The following PPFIA4 variants were observed in gnomAD, a reference collection of about 807,000 sequenced individuals.
PPFIA4 encodes the protein PPFI scaffold protein A4, also known as liprin-alpha-4.
PPFIA4 carries 98 observed loss-of-function variants against 145.7 expected under a neutral mutation model. That is an observed-to-expected ratio of 0.67 (90% CI 0.57 to 0.80). PPFIA4 has a LOEUF of 0.80. Ranked by LOEUF, PPFIA4 falls within the 30% of genes least tolerant of loss-of-function variation. PPFIA4 has a pLI of 0.00. For missense variants in PPFIA4, 1,457 were observed against 1,632.7 expected, an observed-to-expected ratio of 0.89 and a Z score of 1.85; for synonymous variants, 628 against 649.6, an observed-to-expected ratio of 0.97 and a Z score of 0.51.
chr1:203,051,337 C>G, intron 13 of PPFIA4: 1 of 989,568 alleles, frequency 1.0e-6, no homozygotes, highest in Non-Finnish European at 1.2e-6. Flanking sequence ...AACAAAGACC[C>G]TCAGAGTGAA....
intron 1 of PPFIA4, among the ~76,000 whole-genome samples, chr1:203,038,126 G>A (rs1659434136): frequency 6.6e-6 from 1 of 152,192 alleles, no homozygotes; most frequent in Admixed American, 6.5e-5. Flanking sequence ...GACCCCAAGA[G>A]TCCAGCCTTT....
At position 203,068,869 on chromosome 1, in the gene PPFIA4, G is replaced by A. The variant is rs1052554883; in HGVS notation, c.3324+241G>A. ...ACCTAGCGTGGGCCTGGCACACAGT[G>A]TGCTCTTACAATGCGCATCCCCGTC... On this transcript the variant is annotated intron_variant, in intron 27 of 29. Transcript: ENST00000295706. This position sits in a 1 kb window ranked among gnomAD's most constrained non-coding sequence, Gnocchi z 4.7. Among the ~76,000 whole-genome samples the A allele has an allele frequency of 2.0e-5, 3 of 152,148 alleles. No homozygotes were observed. The highest frequency in any genetic ancestry group is 7.2e-5 in the African/African-American group (3 of 41,412).
chr1:203,053,609 A>G (rs1660691269), intron 14 of PPFIA4, 144 bp from the exon 15 acceptor site: 2 of 667,140 alleles, frequency 3.0e-6, no homozygotes, highest in South Asian at 1.9e-5. Context: ...TTGAATCAGT[A>G]GGTCTGGTGG....
intron 19 of PPFIA4, among the ~76,000 whole-genome samples, chr1:203,057,329 G>A (rs1415094537): frequency 6.6e-6 from 1 of 152,214 alleles, no homozygotes; most frequent in Non-Finnish European, 1.5e-5. Context: ...AGAAGAGTCA[G>A]TTCTTGATTG....
At chr1:203,056,546 A>T in intron 18 of PPFIA4, 38 bp downstream of exon 18, 1 of 1,603,072 alleles carries the variant, frequency 6.2e-7, no homozygotes. Flanking sequence ...CTCTCCATCC[A>T]CAGGGTCCTC....
chr1:203,058,941 C>G (rs1262097568), intron 19 of PPFIA4, among the ~76,000 whole-genome samples: 2 of 152,160 alleles, frequency 1.3e-5, no homozygotes, highest in African/African-American at 4.8e-5. Context: ...GGAAAACACC[C>G]CCAAGGCTGA....
rs1362440990 is a variant in PPFIA4 at position 203,049,736 on chromosome 1, G to T, written c.1480G>T (p.Gly494Trp). The change falls in exon 13 of 30, where the codon GGG becomes TGG. Residue 494 changes from glycine (G) to tryptophan (W), a missense_variant. Coordinates refer to ENST00000295706, the MANE Select transcript of PPFIA4 (RefSeq NM_001304331.2). ...RQEVDQLKGR[G>W]GPFVDGVHSR... ...AGAGGTGGACCAGCTGAAGGGCCGA[G>T]GGGGGCCGTTTGTGGATGGCGTCCA... 1 of 1,589,096 alleles carries T rather than the reference G, an allele frequency of 6.3e-7. No homozygotes were observed. The highest frequency in any genetic ancestry group is 8.6e-7 in the Non-Finnish European group (1 of 1,166,992).
intron 27 of PPFIA4, among the ~76,000 whole-genome samples, chr1:203,069,583 G>C (rs1282515879): frequency 6.6e-6 from 1 of 152,206 alleles, no homozygotes; most frequent in Non-Finnish European, 1.5e-5. Context: ...GCAGCTGTCA[G>C]ATCTCTTTTG....
In PPFIA4 at chr1:203,075,722, C is replaced by T. The variant is rs1354301121; in HGVS notation, c.3539C>T (p.Pro1180Leu). ...GTGTCCACCCTGGGGACCCTGCAGC[C>T]CCCACCGGCCCCGCCAAAGAAGATC... is the stretch of plus-strand genomic sequence containing the variant. ...FRVSTLGTLQ[P>L]PPAPPKKIMP... The change falls in exon 29 of 30, where the codon CCC (proline) becomes CTC (leucine). Residue 1180 changes from proline to leucine, a missense_variant. Transcript: ENST00000295706. The surrounding 1 kb of genome is among the most constrained non-coding windows in gnomAD (Gnocchi z 4.1). 1.4e-6 allele frequency: 2 copies of T among 1,392,130 alleles called. No individual in the cohort carries two copies. Among genetic ancestry groups the T allele is most frequent in the Non-Finnish European group, 1.9e-6 (2 of 1,066,848 alleles). 86.2% of individuals were successfully genotyped at this position (1,392,130 alleles called of 1,614,324 possible).
chr1:203,076,379 T>G lies in PPFIA4; in HGVS notation c.3613T>G (p.Phe1205Val). Residue 1205 changes from phenylalanine (F) to valine (V), a missense_variant, in exon 30 of 30, where the codon TTC becomes GTC. Transcript: ENST00000295706. ...TCTCTACGGACACATGCTCTCCGCC[T>G]TCCGGGACTAGCCATGGCCCCCAGG... ...HYLYGHMLSAFRD is the reference protein window; with the variant it reads ...HYLYGHMLSAVRD 4 of 1,608,486 alleles carry G rather than the reference T, an allele frequency of 2.5e-6. No individual in the cohort carries two copies. The highest frequency in any genetic ancestry group is 2.5e-6 in the Non-Finnish European group (3 of 1,179,826).
chr1:203,057,874 T>G (rs909437253), intron 19 of PPFIA4, among the ~76,000 whole-genome samples: 2 of 151,868 alleles, frequency 1.3e-5, no homozygotes, highest in African/African-American at 4.9e-5. Flanking sequence ...CAGGGAGACA[T>G]CTGTGTGTGG....
At position 203,049,660 on chromosome 1, in the gene PPFIA4, G is replaced by A. The variant is rs780401113; in HGVS notation, c.1420-16G>A. ...TGGCCCCCACTCCCGCCCCCACCCC[G>A]GGTCTGCTGGCACAGGGCCGCCTGT... On this transcript the variant is annotated splice_polypyrimidine_tract_variant and intron_variant, in intron 12 of 29. Transcript: ENST00000295706. 16 of 640,434 alleles carry A rather than the reference G, an allele frequency of 2.5e-5. No homozygotes were observed. The highest frequency in any genetic ancestry group is 9.6e-5 in the Admixed American group (3 of 31,338). 39.7% of individuals were successfully genotyped at this position (640,434 alleles called of 1,614,324 possible). A position where few individuals can be genotyped will look rare whatever the true frequency, so the allele number is the denominator to read the frequency against.
chr1:203,032,430 T>TTTTTTTTTTTTTTTTGTTG (rs57892403), intron 1 of PPFIA4, among the ~76,000 whole-genome samples: 37 of 139,430 alleles, frequency 2.7e-4, no homozygotes, highest in Middle Eastern at 3.7e-3. Flanking sequence ...TCCCCGCTTT[T>TTTTTTTTTTTTTTTTGTTG]TTGTTGTTGT....
intron 20 of PPFIA4, 71 bp from the exon 21 acceptor site, chr1:203,059,699 G>C (rs1661225817): frequency 5.2e-6 from 7 of 1,337,758 alleles, no homozygotes; most frequent in Non-Finnish European, 7.4e-6. Flanking sequence ...GCACAGCCCA[G>C]TGGTCCCTGG....
Position 203,071,694 on chromosome 1 carries a change from A to G in PPFIA4, c.3327A>G (p.Ala1109=). The G allele has an allele frequency of 6.2e-7, 1 of 1,611,238 alleles. No homozygotes were observed. Among genetic ancestry groups the G allele is most frequent in the East Asian group, 2.2e-5 (1 of 44,856 alleles). ...CTCTCCTGCTCTATGGACTGCAGGC[A>G]CGCCAAGTGATGGAAAGAGAGTTCA... ...ILQIPTQNTQ[A]RQVMEREFNN... Residue 1109 remains alanine (A), a splice_region_variant and synonymous_variant, in exon 28 of 30, where the codon GCA becomes GCG. Transcript: ENST00000295706.
intron 4 of PPFIA4, 127 bp from the exon 5 acceptor site, chr1:203,044,252 C>A: frequency 8.6e-7 from 1 of 1,162,818 alleles, no homozygotes; most frequent in Non-Finnish European, 1.2e-6. Flanking sequence ...CTCCCTCCTG[C>A]AAATGTGCTG....
At chr1:203,044,335 G>A in intron 4 of PPFIA4, 44 bp from the exon 5 acceptor site, 2 of 1,531,906 alleles carry the variant, frequency 1.3e-6, no homozygotes, top group Non-Finnish European at 8.8e-7. Context: ...CCTGACTCAA[G>A]TGGGGTCCCC....
Position 203,038,705 on chromosome 1 carries a change from C to A in PPFIA4, c.-304C>A. 8.5e-6 allele frequency: 2 copies of A among 234,820 alleles called. No homozygotes were observed. Among genetic ancestry groups the A allele is most frequent in the South Asian group, 1.4e-4 (2 of 14,196 alleles). The allele number at this position is 234,820 out of a possible 1,614,324, so 14.5% of individuals were successfully genotyped here. On this transcript the variant is annotated 5_prime_UTR_variant, in exon 2 of 30. Transcript: ENST00000295706. ...TCTAAGAGAAGGGCCATCTTCCAGCCCTGCTGTCCCTGCCTGTCATGGCCA... is the reference window on the plus strand; with the variant it reads ...TCTAAGAGAAGGGCCATCTTCCAGCACTGCTGTCCCTGCCTGTCATGGCCA...
At position 203,060,423 on chromosome 1, in the gene PPFIA4, T is replaced by C. The variant is rs981441138; in HGVS notation, c.2784+6T>C. ...CCCCACCCACCTCCAGGACTGTGAG[T>C]GGCCCCTCCTTTGCCCAGGACATTT... On this transcript the variant is annotated splice_donor_region_variant and intron_variant, in intron 22 of 29. Coordinates refer to ENST00000295706, the MANE Select transcript of PPFIA4 (RefSeq NM_001304331.2). This position sits in a 1 kb window ranked among gnomAD's most constrained non-coding sequence, Gnocchi z 4.8. The C allele has an allele frequency of 6.2e-7, 1 of 1,611,916 alleles. No homozygotes were observed. Among genetic ancestry groups the C allele is most frequent in the African/African-American group, 1.3e-5 (1 of 74,894 alleles).
Sources: allele counts gnomAD v4.1 joint callset (sites outside exome capture counted in the v4.1 genomes callset), GRCh38; gene constraint gnomAD v4.1.1; non-coding constraint Gnocchi (gnomAD v3.1); transcripts MANE v1.5; gene names NCBI Gene and HGNC (gene_info 2026-07-23, HGNC 2026-07-21).